ABCB5: variants seen among roughly 807,000 people sequenced by gnomAD.
The protein encoded by ABCB5 is ATP-binding cassette sub-family B member 5.
A neutral mutation model predicts 144.2 loss-of-function variants in ABCB5; 155 were observed. The ratio of observed to expected loss-of-function variants is 1.08; its 90% CI spans 0.94 to 1.23. The LOEUF (loss-of-function observed/expected upper bound fraction) is 1.23. Ranked by LOEUF, ABCB5 falls within the 50% of genes most tolerant of loss-of-function variation. The pLI is 0.00. For missense variants in ABCB5, 1,830 were observed against 1,520.8 expected, an observed-to-expected ratio of 1.20 and a Z score of -3.38; for synonymous variants, 610 against 528.6, an observed-to-expected ratio of 1.15 and a Z score of -2.11.
At chr7:20,652,354 G>A (rs944959794) in intron 13 of ABCB5, among the ~76,000 whole-genome samples, 3 of 152,178 alleles carry the variant, frequency 2.0e-5, no homozygotes, top group Non-Finnish European at 2.9e-5. Context: ...GATCACCTGA[G>A]GTTAGGAGTT....
At position 20,745,220 on chromosome 7, in the gene ABCB5, T is replaced by G; in HGVS notation, c.3223-12T>G. ...GATCTTAACACACCATTCTCCAATC[T>G]GCTTTTGGCAGCTGTTTGATGGTGT... On this transcript the variant is annotated splice_polypyrimidine_tract_variant and intron_variant, in intron 25 of 27. Transcript: ENST00000404938. 6.2e-7 allele frequency: 1 copy of G among 1,613,684 alleles called. No individual in the cohort carries two copies. The highest frequency in any genetic ancestry group is 8.5e-7 in the Non-Finnish European group (1 of 1,179,658).
chr7:20,666,715 G>C, intron 14 of ABCB5: 1 of 1,588,370 alleles, frequency 6.3e-7, no homozygotes, highest in Non-Finnish European at 8.6e-7. Flanking sequence ...CTGTGAAGTA[G>C]GATAGGAGAT....
intron 20 of ABCB5, among the ~76,000 whole-genome samples, chr7:20,708,429 G>C (rs1231736676): frequency 1.3e-5 from 2 of 152,116 alleles, no homozygotes; most frequent in Admixed American, 6.5e-5. Context: ...GCTCGAGCCT[G>C]GGAGGTCAAG....
Position 20,723,114 on chromosome 7 carries a change from G to A in ABCB5, c.2520G>A (p.Leu840=). The change falls in exon 21 of 28, where the codon CTG becomes CTA. Residue 840 remains leucine (L), a synonymous_variant. Transcript: ENST00000404938. Reference sequence around the variant, plus strand: ...TATATGGATGGGAGATGACATTCCTGATTCTGAGTATTGCTCCAGTACTTG... The same window carrying A: ...TATATGGATGGGAGATGACATTCCTAATTCTGAGTATTGCTCCAGTACTTG... ...SFIYGWEMTF[L]ILSIAPVLAV... is the part of the protein sequence containing the mutation. The A allele has an allele frequency of 1.2e-6, 2 of 1,614,130 alleles. No homozygotes were observed. The highest frequency in any genetic ancestry group is 1.7e-6 in the Non-Finnish European group (2 of 1,180,024).
At chr7:20,661,441 A>C (rs1185309732) in intron 14 of ABCB5, among the ~76,000 whole-genome samples, 2 of 152,218 alleles carry the variant, frequency 1.3e-5, no homozygotes, top group Non-Finnish European at 2.9e-5. Context: ...GGCCCTTAAC[A>C]AACAGCCAAC....
intron 24 of ABCB5, 81 bp from the exon 25 acceptor site, chr7:20,742,796 A>G (rs1020183684): frequency 4.3e-6 from 6 of 1,392,672 alleles, no homozygotes; most frequent in Non-Finnish European, 5.0e-6. Flanking sequence ...ACAATTTTCA[A>G]AATGAACTTG....
At chr7:20,717,394 G>A (rs998185420) in intron 20 of ABCB5, among the ~76,000 whole-genome samples, 4 of 151,590 alleles carry the variant, frequency 2.6e-5, no homozygotes, top group Admixed American at 2.6e-4. Flanking sequence ...GTCCTCACAG[G>A]ATCTTCTCTG....
Position 20,671,069 on chromosome 7 carries a change from G to C in ABCB5, c.1708-10436G>C, listed in dbSNP as rs577614552. On this transcript the variant is annotated intron_variant, in intron 14 of 27. Transcript: ENST00000404938. ...GTGCTTAGTATAACTCTCTTCTACT[G>C]TAGAGTAGGTTATACCATAAAAATG... 3.3e-5 allele frequency among the ~76,000 whole-genome samples: 5 copies of C among 152,300 alleles called. No individual in the cohort carries two copies. In the South Asian group the frequency reaches 1.0e-3, roughly 32 times the overall value.
intron 14 of ABCB5, chr7:20,667,318 T>C: frequency 1.0e-6 from 1 of 984,794 alleles, no homozygotes; most frequent in Non-Finnish European, 1.2e-6. Flanking sequence ...GAGATATATA[T>C]TAAAACACCT....
chr7:20,667,689 GC>G, intron 14 of ABCB5: 1 of 3,054 alleles, frequency 3.3e-4, no homozygotes, highest in East Asian at 0.029. Context: ...CCCTGCCCCT[GC>G]CCCTGCCCCT....
chr7:20,654,224 T>C (rs57779704), intron 13 of ABCB5, among the ~76,000 whole-genome samples: 30,550 of 151,828 alleles, frequency 0.2, 4,007 homozygotes, highest in African/African-American at 0.37. Context: ...AAACAGAACT[T>C]AGAGTCTCTT....
Position 20,755,740 on chromosome 7 carries a change from T to C in ABCB5, c.*116T>C, listed in dbSNP as rs1480571958. On this transcript the variant is annotated 3_prime_UTR_variant, in exon 28 of 28. Coordinates refer to ENST00000404938, the MANE Select transcript of ABCB5 (RefSeq NM_001163941.2). Reference sequence around the variant, plus strand: ...CATATATCAATACCTAGAATCATGCTACTCAAGTACATACATGTTCTATTC... The same window carrying C: ...CATATATCAATACCTAGAATCATGCCACTCAAGTACATACATGTTCTATTC... 1 of 952,358 alleles carries C rather than the reference T, an allele frequency of 1.1e-6. No homozygotes were observed. Among genetic ancestry groups the C allele is most frequent in the Non-Finnish European group, 1.6e-6 (1 of 634,948 alleles). The allele number at this position is 952,358 out of a possible 1,614,324, so 59.0% of individuals were successfully genotyped here. A position where few individuals can be genotyped will look rare whatever the true frequency, so the allele number is the denominator to read the frequency against.
Position 20,643,331 on chromosome 7 carries a change from G to A in ABCB5, c.462G>A (p.Trp154Ter), listed in dbSNP as rs769194692. Residue 154 changes from tryptophan to a stop codon, truncating the protein, a stop_gained, in exon 6 of 28, where the codon TGG becomes TGA. Coordinates refer to ENST00000404938, the MANE Select transcript of ABCB5 (RefSeq NM_001163941.2). LOFTEE classifies it high-confidence loss of function. ...FHSVLAQDIGWFDSCDIGELN... is the reference protein window; with the variant it reads ...FHSVLAQDIG Reference sequence around the variant, plus strand: ...CAGTTTTGGCACAGGACATCGGCTGGTTTGATAGCTGTGACATCGGTGAAC... The same window carrying A: ...CAGTTTTGGCACAGGACATCGGCTGATTTGATAGCTGTGACATCGGTGAAC... 1.9e-6 allele frequency: 3 copies of A among 1,613,970 alleles called. No individual in the cohort carries two copies. Among genetic ancestry groups the A allele is most frequent in the Admixed American group, 3.3e-5 (2 of 60,000 alleles).
chr7:20,659,467 T>C, intron 14 of ABCB5: 1 of 1,074,480 alleles, frequency 9.3e-7, no homozygotes, highest in Middle Eastern at 4.2e-4. Flanking sequence ...AAACGGATAC[T>C]GGCAGGCTAA....
chr7:20,728,513 A>G (rs1782110842), intron 23 of ABCB5, 58 bp downstream of exon 23: 9 of 1,578,060 alleles, frequency 5.7e-6, no homozygotes, highest in Non-Finnish European at 5.2e-6. Context: ...CAACACTTTG[A>G]GAGGCTGAGG....
intron 26 of ABCB5, among the ~76,000 whole-genome samples, chr7:20,750,983 T>G (rs1782907965): frequency 6.6e-6 from 1 of 152,116 alleles, no homozygotes; most frequent in South Asian, 2.1e-4. Flanking sequence ...CAGCTCTCAG[T>G]CGAGCCACAT....
rs1477725898 is a variant in ABCB5, at chr7:20,685,778, TGAA to T, written c.1955_1957del (p.Lys652del). 1.2e-6 allele frequency: 2 copies of T among 1,613,820 alleles called. No homozygotes were observed. Among genetic ancestry groups the T allele is most frequent in the East Asian group, 4.5e-5 (2 of 44,838 alleles). On this transcript the variant is annotated inframe_deletion, in exon 16 of 28. Transcript: ENST00000404938. ...ACCAACTCACTTCCTCTGCACTCTGTGAAGAGCATCAAGTCAGACTTCATTGAC... is the reference window on the plus strand; with the variant it reads ...ACCAACTCACTTCCTCTGCACTCTGTGAGCATCAAGTCAGACTTCATTGAC...
At chr7:20,662,851 G>C (rs947826917) in intron 14 of ABCB5, among the ~76,000 whole-genome samples, 8 of 152,148 alleles carry the variant, frequency 5.3e-5, no homozygotes, top group African/African-American at 1.7e-4. Context: ...TAACTCTTTA[G>C]AGAAGTATAC....
At chr7:20,701,220 T>A (rs1341415621) in intron 19 of ABCB5, among the ~76,000 whole-genome samples, 1 of 152,230 alleles carries the variant, frequency 6.6e-6, no homozygotes. Context: ...ATGTTAAAGT[T>A]GTACATTATT....
Sources: gnomAD v4.1 joint callset for allele counts (sites outside exome capture counted in the v4.1 genomes callset) on GRCh38, gnomAD v4.1.1 for gene constraint, MANE v1.5 for transcripts, NCBI Gene and HGNC (gene_info 2026-07-23, HGNC 2026-07-21) for gene names.